The following TNR variants were observed in gnomAD, a reference collection of about 807,000 sequenced individuals.
TNR encodes tenascin-R.
A neutral mutation model predicts 150.4 loss-of-function variants in TNR; 45 were observed. The ratio of observed to expected loss-of-function variants is 0.30; its 90% CI spans 0.24 to 0.38. The LOEUF (loss-of-function observed/expected upper bound fraction) is 0.38. Ranked by LOEUF, TNR falls within the 10% of genes least tolerant of loss-of-function variation. The pLI, the probability that TNR is intolerant of heterozygous loss-of-function variation, is 1.00. For synonymous variants in TNR, 687 were observed against 678.4 expected (o/e 1.01, Z -0.20); for missense variants, 1,544 against 1,759.1 (o/e 0.88, Z 2.19).
At chr1:175,543,194 G>A (rs1174525567) in intron 1 of TNR, among the ~76,000 whole-genome samples, 1 of 152,162 alleles carries the variant, frequency 6.6e-6, no homozygotes, top group African/African-American at 2.4e-5. Flanking sequence ...AGGGTAATAG[G>A]GTAGTCCAGT....
intron 19 of TNR, among the ~76,000 whole-genome samples, chr1:175,336,077 C>A (rs988306537): frequency 3.3e-5 from 5 of 152,184 alleles, no homozygotes; most frequent in African/African-American, 4.8e-5. Flanking sequence ...TGCACCCCTG[C>A]AATGTAGAAA....
intron 7 of TNR, among the ~76,000 whole-genome samples, chr1:175,387,104 C>A (rs1220675258): frequency 6.6e-6 from 1 of 152,220 alleles, no homozygotes; most frequent in South Asian, 2.1e-4. Flanking sequence ...TCCTGCAGGG[C>A]CCACCAGCTG....
At chr1:175,378,310 A>T (rs1229278227) in intron 9 of TNR, among the ~76,000 whole-genome samples, 1 of 140,998 alleles carries the variant, frequency 7.1e-6, no homozygotes, top group Non-Finnish European at 1.5e-5. Context: ...AGCTTCATTC[A>T]TTCATTCATT....
chr1:175,319,533 G>A lies in TNR; in HGVS notation c.*3824C>T, dbSNP rs1648937275. On this transcript the variant is annotated 3_prime_UTR_variant, in exon 23 of 23. Coordinates refer to ENST00000367674, the MANE Select transcript of TNR (RefSeq NM_003285.3). The stretch of plus-strand genomic sequence containing the variant: ...CTGGCTTTGAAATATCAGGGTGCTG[G>A]TTGGTTCTCAGGTGGAAGGAAGCGG... 1 of 152,442 alleles carries A rather than the reference G, an allele frequency of 6.6e-6. No individual in the cohort carries two copies. The highest frequency in any genetic ancestry group is 1.5e-5 in the Non-Finnish European group (1 of 68,084). The allele number at this position is 152,442 out of a possible 1,614,324, so 9.4% of individuals were successfully genotyped here.
chr1:175,585,063 G>A (rs989121460), intron 1 of TNR, among the ~76,000 whole-genome samples: 7 of 152,194 alleles, frequency 4.6e-5, no homozygotes, highest in Non-Finnish European at 8.8e-5. Context: ...CATGAGTGTT[G>A]ATGATGTGCA....
At chr1:175,374,342 C>T (rs2102021039) in intron 9 of TNR, among the ~76,000 whole-genome samples, 1 of 152,304 alleles carries the variant, frequency 6.6e-6, no homozygotes, top group South Asian at 2.1e-4. Flanking sequence ...TCAGGACGTA[C>T]TTGCAGGCAT....
chr1:175,354,302 G>T, intron 18 of TNR, 89 bp downstream of exon 18: 4 of 1,513,906 alleles, frequency 2.6e-6, no homozygotes, highest in Admixed American at 4.3e-5. Context: ...TTGATAAACT[G>T]CTCCCAGAGC....
intron 1 of TNR, among the ~76,000 whole-genome samples, chr1:175,529,409 T>C (rs1225930691): frequency 1.3e-5 from 2 of 152,330 alleles, no homozygotes; most frequent in African/African-American, 4.8e-5. Flanking sequence ...AAAGATTATT[T>C]AGTTCTGGAA....
chr1:175,537,660 T>C (rs1660345030), intron 1 of TNR, among the ~76,000 whole-genome samples: 1 of 152,198 alleles, frequency 6.6e-6, no homozygotes. Flanking sequence ...AAGCTTGACT[T>C]TCCAGGCATT....
At position 175,626,580 on chromosome 1, in the gene TNR, A is replaced by C. The variant is rs1016083128; in HGVS notation, c.-164-98211T>G. Reference sequence around the variant, plus strand: ...CCATTCTTCATGGCAGCCTTCAGTTAGTAATTGAGAAGAAAGCAACTGAGA... The same window carrying C: ...CCATTCTTCATGGCAGCCTTCAGTTCGTAATTGAGAAGAAAGCAACTGAGA... On this transcript the variant is annotated intron_variant, in intron 1 of 22. Coordinates refer to ENST00000367674, the MANE Select transcript of TNR (RefSeq NM_003285.3). Among the ~76,000 whole-genome samples the C allele has an allele frequency of 7.2e-5, 11 of 152,320 alleles. No homozygotes were observed. The South Asian group carries it at 8.3e-4, about 11-fold the overall frequency.
In TNR at chr1:175,391,354, T is replaced by C. The variant is rs368694952; in HGVS notation, c.1441A>G (p.Ile481Val). Reference protein sequence around the residue: ...QTGLKPGEEYIVNVVALKEQA... With the variant: ...QTGLKPGEEYVVNVVALKEQA... ...TCTTTCAGAGCCACCACATTGACAA[T>C]GTATTCCTCCCCAGGCTTTAGTCCT... Residue 481 changes from isoleucine (I) to valine (V), a missense_variant, in exon 7 of 23, where the codon ATT becomes GTT. Around this residue, in one of 2 missense-constraint regions of TNR, gnomAD observed 1,254 missense variants for 1,329.4 expected, o/e 0.94. Transcript: ENST00000367674. 33 of 1,614,038 alleles carry C rather than the reference T, an allele frequency of 2.0e-5. No homozygotes were observed. The highest frequency in any genetic ancestry group is 2.6e-5 in the Non-Finnish European group (31 of 1,180,030).
At chr1:175,724,274 T>C (rs1667419132) in intron 1 of TNR, among the ~76,000 whole-genome samples, 1 of 152,156 alleles carries the variant, frequency 6.6e-6, no homozygotes, top group African/African-American at 2.4e-5. Context: ...TGGGGAGGTC[T>C]CAGGAAAATT....
At chr1:175,622,810 C>G (rs1029380053) in intron 1 of TNR, among the ~76,000 whole-genome samples, 1 of 152,172 alleles carries the variant, frequency 6.6e-6, no homozygotes, top group Admixed American at 6.5e-5. Context: ...ATTTTCTTGC[C>G]TCTTCCTAGC....
Position 175,396,778 on chromosome 1 carries a change from C to T in TNR, c.1006G>A (p.Gly336Ser). ...VAPPEDLRVA[G>S]ISDRSIELEW... is the part of the protein sequence containing the mutation. ...AGCTCAATGGACCTGTCGCTGATAC[C>T]AGCCACTCGCAAGTCCTCTGGAGGG... The change falls in exon 5 of 23, where the codon GGT becomes AGT. Residue 336 changes from glycine (G) to serine (S), a missense_variant. By Grantham distance (56) the Gly-to-Ser change is moderately conservative. Coordinates refer to ENST00000367674, the MANE Select transcript of TNR (RefSeq NM_003285.3). 1 of 1,613,990 alleles carries T rather than the reference C, an allele frequency of 6.2e-7. No individual in the cohort carries two copies. Among genetic ancestry groups the T allele is most frequent in the South Asian group, 1.1e-5 (1 of 91,072 alleles).
chr1:175,453,842 G>T (rs1451181550), intron 2 of TNR, among the ~76,000 whole-genome samples: 4 of 152,138 alleles, frequency 2.6e-5, no homozygotes, highest in Non-Finnish European at 5.9e-5. Flanking sequence ...CAAAGTGCTG[G>T]TGTTACAGTC....
At chr1:175,529,453 A>G (rs1031665729) in intron 1 of TNR, among the ~76,000 whole-genome samples, 9 of 152,350 alleles carry the variant, frequency 5.9e-5, no homozygotes, top group African/African-American at 2.2e-4. Context: ...TGAATACTCC[A>G]GTGCATCCAC....
At chr1:175,490,358 C>T (rs755035969) in intron 2 of TNR, among the ~76,000 whole-genome samples, 6 of 152,148 alleles carry the variant, frequency 3.9e-5, no homozygotes, top group Non-Finnish European at 5.9e-5. Flanking sequence ...GCAACAGAAG[C>T]AAAAATTGAC....
chr1:175,647,699 A>G (rs533570203), intron 1 of TNR, among the ~76,000 whole-genome samples: 27 of 152,294 alleles, frequency 1.8e-4, no homozygotes, highest in African/African-American at 6.0e-4. Flanking sequence ...AGCAGACTTG[A>G]GCTTCTTTAG....
chr1:175,331,018 T>C (rs375851847), intron 20 of TNR, among the ~76,000 whole-genome samples: 1 of 60,410 alleles, frequency 1.7e-5, no homozygotes, highest in East Asian at 6.4e-4. Context: ...TCTTTCTTTC[T>C]TTCTTTCTTT....
Sources: allele counts gnomAD v4.1 joint callset (sites outside exome capture counted in the v4.1 genomes callset), GRCh38; gene constraint gnomAD v4.1.1; regional missense constraint gnomAD v4.1.1; transcripts MANE v1.5; gene names NCBI Gene and HGNC (gene_info 2026-07-23, HGNC 2026-07-21).